Variants in IGF2BP2 observed in about 807,000 individuals in gnomAD.
The protein encoded by IGF2BP2 is insulin like growth factor 2 mRNA binding protein 2.
IGF2BP2 carries 17 observed loss-of-function variants against 75.8 expected under a neutral mutation model. The observed-to-expected ratio is 0.22, with a 90% CI of 0.15 to 0.34. The LOEUF (loss-of-function observed/expected upper bound fraction) is 0.34. Ranked by LOEUF, IGF2BP2 falls within the 10% of genes least tolerant of loss-of-function variation. The probability of loss-of-function intolerance (pLI) is 1.00; values close to 1 mark genes in which losing one functional copy is unlikely to be tolerated. For missense variants in IGF2BP2, 516 were observed against 772.4 expected, an observed-to-expected ratio of 0.67 and a Z score of 3.93; for synonymous variants, 288 against 295.6, an observed-to-expected ratio of 0.97 and a Z score of 0.26.
intron 2 of IGF2BP2, among the ~76,000 whole-genome samples, chr3:185,786,444 A>C (rs1735901154): frequency 6.6e-6 from 1 of 152,076 alleles, no homozygotes; most frequent in South Asian, 2.1e-4. Flanking sequence ...ACATTCCACC[A>C]CTGTGATTTG....
At chr3:185,776,014 C>T (rs767624749) in intron 2 of IGF2BP2, among the ~76,000 whole-genome samples, 1 of 152,092 alleles carries the variant, frequency 6.6e-6, no homozygotes, top group East Asian at 1.9e-4. Context: ...GTGGCCAAGG[C>T]GGGATAATCA....
At chr3:185,747,326 C>G (rs2149603509) in intron 2 of IGF2BP2, among the ~76,000 whole-genome samples, 1 of 152,208 alleles carries the variant, frequency 6.6e-6, no homozygotes, top group South Asian at 2.1e-4. Context: ...GTACTGTCAC[C>G]AACCCTGGAC....
At chr3:185,808,756 T>C (rs1316072278) in intron 2 of IGF2BP2, among the ~76,000 whole-genome samples, 2 of 150,742 alleles carry the variant, frequency 1.3e-5, no homozygotes, top group Non-Finnish European at 2.9e-5. Flanking sequence ...TTAGTAGAGA[T>C]GGGGTTTTGC....
chr3:185,672,563 G>T lies in IGF2BP2; in HGVS notation c.1178C>A (p.Ala393Asp). 6.2e-7 allele frequency: 1 copy of T among 1,613,154 alleles called. No homozygotes were observed. The highest frequency in any genetic ancestry group is 8.5e-7 in the Non-Finnish European group (1 of 1,179,580). The part of the protein sequence containing the change: ...PPAGPRGAPP[A>D]APYHPFTTHS... ...TACAGTGAAGGGGTGGTAGGGGGCA[G>T]CGGGGGGAGCTCCGCGGGGCCCTGC... The change falls in exon 10 of 16, where the codon GCT (alanine) becomes GAT (aspartate). Residue 393 changes from alanine to aspartate, a missense_variant. This residue lies in a region of IGF2BP2 where 75 missense variants were observed against 67.4 expected (regional missense o/e 1.11). Coordinates refer to ENST00000382199, the MANE Select transcript of IGF2BP2 (RefSeq NM_006548.6).
At chr3:185,707,041 G>A (rs1724121377) in intron 2 of IGF2BP2, among the ~76,000 whole-genome samples, 1 of 151,864 alleles carries the variant, frequency 6.6e-6, no homozygotes, top group South Asian at 2.1e-4. Context: ...TGTGCCCAGA[G>A]ATTCAGTATT....
chr3:185,778,762 G>C (rs1056051545), intron 2 of IGF2BP2, among the ~76,000 whole-genome samples: 1 of 152,168 alleles, frequency 6.6e-6, no homozygotes, highest in African/African-American at 2.4e-5. Flanking sequence ...CACTGAACCA[G>C]AGTCAACCAA....
At chr3:185,731,378 C>G (rs1455942335) in intron 2 of IGF2BP2, among the ~76,000 whole-genome samples, 2 of 151,784 alleles carry the variant, frequency 1.3e-5, no homozygotes, top group African/African-American at 4.8e-5. Context: ...TCCCTAGTAG[C>G]TGGGATTACA....
chr3:185,747,025 C>G (rs1269011176), intron 2 of IGF2BP2, among the ~76,000 whole-genome samples: 2 of 152,048 alleles, frequency 1.3e-5, no homozygotes, highest in African/African-American at 4.8e-5. Flanking sequence ...CCAGGCAAAA[C>G]AGAAAAATAA....
In IGF2BP2 at chr3:185,689,392, A is replaced by G; in HGVS notation, c.640T>C (p.Leu214=). The change falls in exon 6 of 16, where the codon TTG becomes CTG. Residue 214 remains leucine, a synonymous_variant. Coordinates refer to ENST00000382199, the MANE Select transcript of IGF2BP2 (RefSeq NM_006548.6). ...TGCTTAGTGATGTTCTTTATGGTCA[A>G]GCCCTCCTTTCCGATGATGGCACCA... ...FVGAIIGKEG[L]TIKNITKQTQ... is the part of the protein sequence containing the mutation. 6.2e-7 allele frequency: 1 copy of G among 1,613,926 alleles called. No individual in the cohort carries two copies. Among genetic ancestry groups the G allele is most frequent in the Non-Finnish European group, 8.5e-7 (1 of 1,180,014 alleles).
intron 7 of IGF2BP2, among the ~76,000 whole-genome samples, chr3:185,684,930 AT>A (rs34915743): frequency 2.6e-5 from 4 of 151,944 alleles, no homozygotes; most frequent in African/African-American, 9.7e-5. Flanking sequence ...GCACTGAAAA[AT>A]TTTTTTTCTA....
intron 2 of IGF2BP2, among the ~76,000 whole-genome samples, chr3:185,809,655 GA>G (rs1354681925): frequency 1.3e-5 from 2 of 150,794 alleles, no homozygotes; most frequent in Admixed American, 1.3e-4. Flanking sequence ...AAAGAAAAAA[GA>G]AAAAAAATTT....
rs141820355 is a variant in IGF2BP2 at position 185,690,731 on chromosome 3, G to C, written c.405-1104C>G. Among the ~76,000 whole-genome samples, 325 of 152,272 alleles carry C rather than the reference G, an allele frequency of 2.1e-3. 1 individual carries two copies. The highest frequency in any genetic ancestry group is 3.7e-3 in the Non-Finnish European group (252 of 68,030). On this transcript the variant is annotated intron_variant, in intron 5 of 15. Coordinates refer to ENST00000382199, the MANE Select transcript of IGF2BP2 (RefSeq NM_006548.6). ...ACATTTATGATCCCATAGCAGTTTA[G>C]GAGAGAGCATTTGTGTCCTTGAATC...
chr3:185,801,075 A>G (rs137951909), intron 2 of IGF2BP2, among the ~76,000 whole-genome samples: 1 of 152,376 alleles, frequency 6.6e-6, no homozygotes, highest in East Asian at 1.9e-4. Flanking sequence ...TCTCAAAAGA[A>G]GACATTCATG....
intron 2 of IGF2BP2, among the ~76,000 whole-genome samples, chr3:185,793,473 G>A (rs1053902710): frequency 6.6e-6 from 1 of 152,100 alleles, no homozygotes; most frequent in African/African-American, 2.4e-5. Context: ...ATGGCACTGT[G>A]CGTTTCAACC....
intron 2 of IGF2BP2, among the ~76,000 whole-genome samples, chr3:185,819,331 T>C (rs192408114): frequency 1.3e-5 from 2 of 152,228 alleles, no homozygotes; most frequent in African/African-American, 4.8e-5. Context: ...ATTTGGTGAA[T>C]TGAAAAAAAG....
intron 7 of IGF2BP2, among the ~76,000 whole-genome samples, chr3:185,684,967 T>C (rs1055486310): frequency 6.6e-6 from 1 of 152,220 alleles, no homozygotes; most frequent in Non-Finnish European, 1.5e-5. Context: ...ATCTTGGCTC[T>C]ACATGAAAAC....
At position 185,647,155 on chromosome 3, in the gene IGF2BP2, G is replaced by A. The variant is rs376171847; in HGVS notation, c.1594-17C>T. The A allele has an allele frequency of 7.6e-6, 12 of 1,588,824 alleles. No homozygotes were observed. Among genetic ancestry groups the A allele is most frequent in the East Asian group, 2.2e-5 (1 of 44,776 alleles). ...TTCGTTCACCTGTGAAGGGAGAAAC[G>A]GCAACGGGTTGGATAGGTTCCCTCC... On this transcript the variant is annotated splice_polypyrimidine_tract_variant and intron_variant, in intron 14 of 15. Coordinates refer to ENST00000382199, the MANE Select transcript of IGF2BP2 (RefSeq NM_006548.6). This position sits in a 1 kb window ranked among gnomAD's most constrained non-coding sequence, Gnocchi z 4.9.
chr3:185,708,593 G>A (rs1303073559), intron 2 of IGF2BP2, among the ~76,000 whole-genome samples: 1 of 151,996 alleles, frequency 6.6e-6, no homozygotes, highest in Non-Finnish European at 1.5e-5. Flanking sequence ...CGCACGGCGG[G>A]GTGCAGCACA....
chr3:185,784,198 C>T (rs1578289443), intron 2 of IGF2BP2, among the ~76,000 whole-genome samples: 2 of 152,082 alleles, frequency 1.3e-5, no homozygotes, highest in South Asian at 4.1e-4. Flanking sequence ...TCGCACCACT[C>T]CACTCCAGCC....
Sources: gnomAD v4.1 joint callset for allele counts (sites outside exome capture counted in the v4.1 genomes callset) on GRCh38, gnomAD v4.1.1 for gene constraint, gnomAD v4.1.1 regional missense constraint, Gnocchi (gnomAD v3.1) non-coding constraint, MANE v1.5 for transcripts, NCBI Gene and HGNC (gene_info 2026-07-23, HGNC 2026-07-21) for gene names.